CETP: variants seen among roughly 807,000 people sequenced by gnomAD.
CETP encodes the protein cholesteryl ester transfer protein.
CETP carries 56 observed loss-of-function variants against 66.5 expected under a neutral mutation model. The ratio of observed to expected loss-of-function variants is 0.84; its 90% confidence interval spans 0.68 to 1.05. The LOEUF is 1.05. Among genes scored for constraint, CETP ranks in the 50% least tolerant of loss-of-function variants. The probability of loss-of-function intolerance (pLI) is 0.00; values close to 1 mark genes in which losing one functional copy is unlikely to be tolerated. For missense variants in CETP, 612 were observed against 609.6 expected, an observed-to-expected ratio of 1.00 and a Z score of -0.04; for synonymous variants, 251 against 245.7, an observed-to-expected ratio of 1.02 and a Z score of -0.20.
Position 56,983,781 on chromosome 16 carries a change from G to T in CETP, c.*115G>T. On this transcript the variant is annotated 3_prime_UTR_variant, in exon 16 of 16. Coordinates refer to ENST00000200676, the MANE Select transcript of CETP (RefSeq NM_000078.3). Reference sequence around the variant, plus strand: ...GAAGTTGGGTTAGGAGTACGGAGATGGAGATTGGCTCCCAACTCCTCCCTA... The same window carrying T: ...GAAGTTGGGTTAGGAGTACGGAGATTGAGATTGGCTCCCAACTCCTCCCTA... The T allele has an allele frequency of 1.0e-6, 1 of 981,496 alleles. No homozygotes were observed. The highest frequency in any genetic ancestry group is 1.6e-6 in the Non-Finnish European group (1 of 610,756). The allele number at this position is 981,496 out of a possible 1,614,324, so 60.8% of individuals were successfully genotyped here.
chr16:56,973,633 G>GAGTCC, intron 9 of CETP, 123 bp downstream of exon 9: 1 of 1,079,034 alleles, frequency 9.3e-7, no homozygotes, highest in South Asian at 1.4e-5. Context: ...AACTAAGCTG[G>GAGTCC]AGCAATAGCA....
chr16:56,982,702 A>G (rs2056197364), intron 14 of CETP, among the ~76,000 whole-genome samples: 1 of 152,212 alleles, frequency 6.6e-6, no homozygotes, highest in Non-Finnish European at 1.5e-5. Context: ...CTCAGACACC[A>G]TAGCACACGT....
At chr16:56,969,891 G>A in intron 4 of CETP, 23 bp from the exon 5 acceptor site, 1 of 1,612,128 alleles carries the variant, frequency 6.2e-7, no homozygotes, top group Non-Finnish European at 8.5e-7. Context: ...GCTGCCCTGA[G>A]GTCATGTCGG....
At chr16:56,970,302 T>C (rs1814717719) in intron 5 of CETP, among the ~76,000 whole-genome samples, 1 of 152,208 alleles carries the variant, frequency 6.6e-6, no homozygotes, top group Non-Finnish European at 1.5e-5. Context: ...CCCTAGGATA[T>C]AGATTCTGTT....
At chr16:56,974,561 G>A (rs572083737) in intron 9 of CETP, among the ~76,000 whole-genome samples, 7 of 152,320 alleles carry the variant, frequency 4.6e-5, no homozygotes, top group South Asian at 2.1e-4. Flanking sequence ...AACTTGGCAC[G>A]TAGTAACTGT....
intron 11 of CETP, among the ~76,000 whole-genome samples, chr16:56,978,650 TA>T (rs200029909): frequency 0.016 from 2,341 of 148,976 alleles, 96 homozygotes; most frequent in East Asian, 0.13. Context: ...CTGGCTAATT[TA>T]AAAAAAAAAA....
chr16:56,974,212 G>A (rs559853269), intron 9 of CETP, among the ~76,000 whole-genome samples: 191 of 152,326 alleles, frequency 1.3e-3, no homozygotes, highest in African/African-American at 4.2e-3. Flanking sequence ...TCAGAGACAG[G>A]AGGGTCCCTG....
chr16:56,969,348 G>T (rs2056090846), intron 2 of CETP, 38 bp from the exon 3 acceptor site: 3 of 1,612,548 alleles, frequency 1.9e-6, no homozygotes, highest in South Asian at 2.2e-5. Context: ...CTCCCTGGAT[G>T]ACCCCCAACA....
chr16:56,969,452 T>C lies in CETP; in HGVS notation c.300T>C (p.Asp100=). Residue 100 remains aspartate (D), a synonymous_variant, in exon 3 of 16, where the codon GAT becomes GAC. Coordinates refer to ENST00000200676, the MANE Select transcript of CETP (RefSeq NM_000078.3). ...QVELVEAKSI[D]VSIQNVSVVF... Reference sequence around the variant, plus strand: ...AGCTGGTGGAAGCCAAGTCCATTGATGTCTCCATTCAGAACGTGTCTGTGG... The same window carrying C: ...AGCTGGTGGAAGCCAAGTCCATTGACGTCTCCATTCAGAACGTGTCTGTGG... The C allele has an allele frequency of 6.2e-7, 1 of 1,614,210 alleles. No homozygotes were observed. Among genetic ancestry groups the C allele is most frequent in the East Asian group, 2.2e-5 (1 of 44,890 alleles).
chr16:56,970,166 C>T (rs2056100031), intron 5 of CETP, among the ~76,000 whole-genome samples, 165 bp downstream of exon 5: 1 of 152,222 alleles, frequency 6.6e-6, no homozygotes, highest in Non-Finnish European at 1.5e-5. Context: ...CCCATCAATA[C>T]ACCCTCAAAG....
Position 56,982,210 on chromosome 16 carries a change from G to A in CETP, c.1294G>A (p.Ala432Thr), listed in dbSNP as rs2056193601. Residue 432 changes from alanine (A) to threonine (T), a missense_variant, in exon 14 of 16, where the codon GCT becomes ACT. Ala to Thr is a moderately conservative substitution (Grantham distance 58). Coordinates refer to ENST00000200676, the MANE Select transcript of CETP (RefSeq NM_000078.3). ...GAGCTTCCTGCAGTCAATGATCACCGCTGTGGGCATCCCTGAGGTCATGTC... is the reference window on the plus strand; with the variant it reads ...GAGCTTCCTGCAGTCAATGATCACCACTGTGGGCATCCCTGAGGTCATGTC... ...VQSFLQSMIT[A>T]VGIPEVMSRL... The A allele has an allele frequency of 9.9e-6, 16 of 1,614,004 alleles. No individual in the cohort carries two copies. The highest frequency in any genetic ancestry group is 4.0e-5 in the African/African-American group (3 of 74,890).
rs142980129 is a variant in CETP, at chr16:56,976,607, G to T, written c.981+1456G>T. Among the ~76,000 whole-genome samples, 665 of 151,840 alleles carry T rather than the reference G, an allele frequency of 4.4e-3. 1 individual carries two copies. The highest frequency in any genetic ancestry group is 8.2e-3 in the Non-Finnish European group (560 of 67,960). On this transcript the variant is annotated intron_variant, in intron 10 of 15. Coordinates refer to ENST00000200676, the MANE Select transcript of CETP (RefSeq NM_000078.3). ...CTGCCTCAGTGCTGAAATTACAGGT[G>T]TGAGCCACAGCACCCAGCCCATCAG...
Position 56,983,729 on chromosome 16 carries a change from A to C in CETP, c.*63A>C. 6.8e-7 allele frequency: 1 copy of C among 1,470,692 alleles called. No homozygotes were observed. Among genetic ancestry groups the C allele is most frequent in the Non-Finnish European group, 9.5e-7 (1 of 1,049,540 alleles). 91.1% of individuals were successfully genotyped at this position (1,470,692 alleles called of 1,614,324 possible). A position where few individuals can be genotyped will look rare whatever the true frequency, so the allele number is the denominator to read the frequency against. ...AGGCAAGCACCAGGCTCACAGCTGG[A>C]ACCCTGGTGTCTCCTCCAGCGTGGT... is the stretch of plus-strand genomic sequence containing the variant. On this transcript the variant is annotated 3_prime_UTR_variant, in exon 16 of 16. Transcript: ENST00000200676.
chr16:56,962,077 C>T lies in CETP; in HGVS notation c.98C>T (p.Thr33Ile). 1.9e-6 allele frequency: 3 copies of T among 1,613,992 alleles called. No individual in the cohort carries two copies. Among genetic ancestry groups the T allele is most frequent in the Non-Finnish European group, 1.7e-6 (2 of 1,179,908 alleles). Residue 33 changes from threonine to isoleucine, a missense_variant, in exon 1 of 16, where the codon ACC (threonine) becomes ATC (isoleucine). By Grantham distance (89) the Thr-to-Ile change is moderately conservative (BLOSUM62 -1). Coordinates refer to ENST00000200676, the MANE Select transcript of CETP (RefSeq NM_000078.3). The stretch of plus-strand genomic sequence containing the variant: ...GAGGCAGGCATCGTGTGCCGCATCA[C>T]CAAGCCTGCCCTCCTGGTGTGTAAG... ...SHEAGIVCRITKPALLVLNHE... is the reference protein window; with the variant it reads ...SHEAGIVCRIIKPALLVLNHE...
chr16:56,969,402 T>C lies in CETP; in HGVS notation c.250T>C (p.Leu84=), dbSNP rs755556072. ...YGLHNIQISH[L]SIASSQVELV... ...CCTTCCCAGCATCCAGATCAGCCAC[T>C]TGTCCATCGCCAGCAGCCAGGTGGA... Residue 84 remains leucine, a synonymous_variant, in exon 3 of 16, where the codon TTG becomes CTG. Coordinates refer to ENST00000200676, the MANE Select transcript of CETP (RefSeq NM_000078.3). 2 of 1,613,994 alleles carry C rather than the reference T, an allele frequency of 1.2e-6. No individual in the cohort carries two copies. The highest frequency in any genetic ancestry group is 1.7e-6 in the Non-Finnish European group (2 of 1,180,042).
In CETP at chr16:56,978,140, A is replaced by C. The variant is rs1417753490; in HGVS notation, c.1031A>C (p.Lys344Thr). The C allele has an allele frequency of 1.2e-6, 2 of 1,614,128 alleles. No individual in the cohort carries two copies. Among genetic ancestry groups the C allele is most frequent in the Non-Finnish European group, 1.7e-6 (2 of 1,180,048 alleles). Residue 344 changes from lysine (K) to threonine (T), a missense_variant, in exon 11 of 16, where the codon AAG becomes ACG. By Grantham distance (78) the Lys-to-Thr change is moderately conservative. Transcript: ENST00000200676. ...SQAQVTVHCL[K>T]MPKISCQNKG... ...GCCCAAGTCACCGTCCACTGCCTCAAGATGCCCAAGATCTCCTGCCAAAAC... is the reference window on the plus strand; with the variant it reads ...GCCCAAGTCACCGTCCACTGCCTCACGATGCCCAAGATCTCCTGCCAAAAC...
chr16:56,962,237 T>C (rs1453655481), intron 1 of CETP, 140 bp downstream of exon 1: 10 of 794,236 alleles, frequency 1.3e-5, no homozygotes, highest in Middle Eastern at 2.2e-4. Flanking sequence ...GGGAGGGAGA[T>C]GGGCTGAGTG....
At chr16:56,962,381 A>G in intron 1 of CETP, 2 of 660,188 alleles carry the variant, frequency 3.0e-6, no homozygotes, top group Non-Finnish European at 5.7e-6. Flanking sequence ...GGTTCGAGTT[A>G]GGGTTCAGAT....
chr16:56,981,089 G>A (rs1597007264), intron 11 of CETP, 69 bp from the exon 12 acceptor site: 3 of 1,161,886 alleles, frequency 2.6e-6, no homozygotes, highest in East Asian at 4.7e-5. Context: ...CAGGGGCCCT[G>A]AGCTAGGAGG....
Sources: gnomAD v4.1 joint callset for allele counts (sites outside exome capture counted in the v4.1 genomes callset) on GRCh38, gnomAD v4.1.1 for gene constraint, MANE v1.5 for transcripts, NCBI Gene and HGNC (gene_info 2026-07-23, HGNC 2026-07-21) for gene names.